The following BAIAP2L1 variants were observed in gnomAD, a reference collection of about 807,000 sequenced individuals.
The protein encoded by BAIAP2L1 is BAR/IMD domain-containing adapter protein 2-like 1.
Under a neutral mutation model 66.3 loss-of-function variants are expected in BAIAP2L1, and 35 were observed. The ratio of observed to expected loss-of-function variants is 0.53; its 90% CI spans 0.40 to 0.70. The LOEUF is 0.70. Ranked by LOEUF, BAIAP2L1 falls within the 30% of genes least tolerant of loss-of-function variation. BAIAP2L1 has a pLI of 0.00. For missense variants in BAIAP2L1, 622 were observed against 656.9 expected, an observed-to-expected ratio of 0.95 and a Z score of 0.58; for synonymous variants, 269 against 248.7, an observed-to-expected ratio of 1.08 and a Z score of -0.77.
At chr7:98,359,421 C>T (rs186586788) in intron 2 of BAIAP2L1, among the ~76,000 whole-genome samples, 5 of 151,992 alleles carry the variant, frequency 3.3e-5, no homozygotes, top group Admixed American at 6.5e-5. Context: ...TACAGGCACC[C>T]GCCACCACGC....
intron 3 of BAIAP2L1, among the ~76,000 whole-genome samples, chr7:98,325,392 T>C (rs541144294): frequency 7.7e-4 from 115 of 149,798 alleles, no homozygotes; most frequent in African/African-American, 2.8e-3. Flanking sequence ...TAATAATAAT[T>C]GGAGGCCAGG....
intron 7 of BAIAP2L1, 67 bp from the exon 8 acceptor site, chr7:98,312,331 C>T: frequency 6.7e-7 from 1 of 1,491,228 alleles, no homozygotes; most frequent in Non-Finnish European, 9.0e-7. Context: ...AAAATGACAT[C>T]ACGTCATATC....
chr7:98,339,904 G>C (rs1801701117), intron 3 of BAIAP2L1, among the ~76,000 whole-genome samples: 1 of 152,168 alleles, frequency 6.6e-6, no homozygotes, highest in Non-Finnish European at 1.5e-5. Context: ...CAGGTCCTTT[G>C]CGCCACCCCC....
rs140166928 is a variant in BAIAP2L1 at position 98,317,253 on chromosome 7, C to T, written c.452G>A (p.Arg151Gln). The stretch of plus-strand genomic sequence containing the variant: ...TTTGTGTTCATATTTGAGTGCGTTT[C>T]GGCTTCCTTGGCTTTTCCTTCTGAT... ...KKIRRKSQGSRNALKYEHKEI... is the reference protein window; with the variant it reads ...KKIRRKSQGSQNALKYEHKEI... Residue 151 changes from arginine (R) to glutamine (Q), a missense_variant, in exon 6 of 14, where the codon CGA becomes CAA. By Grantham distance (43) the Arg-to-Gln change is conservative. Transcript: ENST00000005260. 3 of 1,614,222 alleles carry T rather than the reference C, an allele frequency of 1.9e-6. No homozygotes were observed. The highest frequency in any genetic ancestry group is 1.7e-6 in the Non-Finnish European group (2 of 1,180,032).
chr7:98,349,894 T>A (rs1801962101), intron 3 of BAIAP2L1, among the ~76,000 whole-genome samples: 1 of 151,870 alleles, frequency 6.6e-6, no homozygotes. Flanking sequence ...CCATCTCTAC[T>A]GAAAGTACAA....
intron 9 of BAIAP2L1, chr7:98,308,245 C>T: frequency 2.0e-6 from 1 of 491,140 alleles, no homozygotes; most frequent in Non-Finnish European, 4.0e-6. Flanking sequence ...CAACGCCAAA[C>T]TGCCCTCGCA....
intron 3 of BAIAP2L1, among the ~76,000 whole-genome samples, chr7:98,332,916 C>T (rs986595745): frequency 6.6e-6 from 1 of 151,774 alleles, no homozygotes; most frequent in Admixed American, 6.6e-5. Context: ...TGCCAGGACT[C>T]TCAAAGCCCT....
chr7:98,374,451 T>C (rs976052722), intron 1 of BAIAP2L1, among the ~76,000 whole-genome samples: 1 of 152,190 alleles, frequency 6.6e-6, no homozygotes, highest in African/African-American at 2.4e-5. Flanking sequence ...CTGAAGGTCC[T>C]ACCAGCAGCG....
intron 13 of BAIAP2L1, 116 bp from the exon 14 acceptor site, chr7:98,293,712 G>C (rs974248580): frequency 6.3e-6 from 6 of 953,426 alleles, no homozygotes; most frequent in Non-Finnish European, 8.4e-6. Context: ...CACCTCCCCA[G>C]CTTGTACAGG....
In BAIAP2L1 at chr7:98,376,701, G is replaced by T. The variant is rs908211726; in HGVS notation, c.52-14269C>A. 4.0e-5 allele frequency among the ~76,000 whole-genome samples: 6 copies of T among 149,450 alleles called. No individual in the cohort carries two copies. In the South Asian group the frequency reaches 1.3e-3, roughly 32 times the overall value. ...CACACAAAAAGCTGGGTGTGGTGGC[G>T]CATGCCTGTAATCTCAGCTACTCGG... On this transcript the variant is annotated intron_variant, in intron 1 of 13. Coordinates refer to ENST00000005260, the MANE Select transcript of BAIAP2L1 (RefSeq NM_018842.5).
rs564928361 is a variant in BAIAP2L1 at position 98,318,668 on chromosome 7, G to C, written c.349-1312C>G. On this transcript the variant is annotated intron_variant, in intron 5 of 13. Coordinates refer to ENST00000005260, the MANE Select transcript of BAIAP2L1 (RefSeq NM_018842.5). ...GTGCAGATAAGAAGGATGTCTGGCC[G>C]GCATGGTGGCTCACGCCTCTAATCC... Among the ~76,000 whole-genome samples, 13 of 151,828 alleles carry C rather than the reference G, an allele frequency of 8.6e-5. 1 individual carries two copies. The South Asian group carries it at 2.3e-3, about 27-fold the overall frequency.
intron 8 of BAIAP2L1, among the ~76,000 whole-genome samples, chr7:98,311,326 G>A (rs1562969042): frequency 6.6e-6 from 1 of 151,822 alleles, no homozygotes; most frequent in South Asian, 2.1e-4. Flanking sequence ...GGCGGATCAC[G>A]AGGTCAGGAG....
At chr7:98,321,407 C>T (rs1226333538) in intron 3 of BAIAP2L1, among the ~76,000 whole-genome samples, 1 of 152,134 alleles carries the variant, frequency 6.6e-6, no homozygotes, top group Non-Finnish European at 1.5e-5. Flanking sequence ...CCAGGGGAAC[C>T]CGCAGCAGGA....
At chr7:98,304,794 C>T (rs1800574831) in intron 11 of BAIAP2L1, among the ~76,000 whole-genome samples, 1 of 151,814 alleles carries the variant, frequency 6.6e-6, no homozygotes, top group Non-Finnish European at 1.5e-5. Flanking sequence ...GCTGGGATTA[C>T]AGCATGAGCC....
chr7:98,394,198 T>C (rs915452399), intron 1 of BAIAP2L1, among the ~76,000 whole-genome samples: 5 of 152,064 alleles, frequency 3.3e-5, no homozygotes, highest in Admixed American at 1.3e-4. Flanking sequence ...AGCAGAGATC[T>C]CGCCACTGCA....
At chr7:98,353,453 C>T (rs1454205024) in intron 3 of BAIAP2L1, among the ~76,000 whole-genome samples, 2 of 131,018 alleles carry the variant, frequency 1.5e-5, no homozygotes, top group South Asian at 2.3e-4. Flanking sequence ...TATATACATA[C>T]ATATTTATAT....
intron 1 of BAIAP2L1, among the ~76,000 whole-genome samples, chr7:98,393,469 C>T (rs989401658): frequency 6.6e-6 from 1 of 151,472 alleles, no homozygotes; most frequent in Non-Finnish European, 1.5e-5. Context: ...AATGAAAATA[C>T]CTTCCTTTTC....
intron 1 of BAIAP2L1, among the ~76,000 whole-genome samples, chr7:98,376,674 A>AAAAC (rs1554339634): frequency 6.6e-6 from 1 of 150,710 alleles, no homozygotes; most frequent in Non-Finnish European, 1.5e-5. Context: ...AAAAAAAAAA[A>AAAAC]ACACACAAAA....
chr7:98,385,904 T>G (rs1485687605), intron 1 of BAIAP2L1: 2 of 1,400,290 alleles, frequency 1.4e-6, no homozygotes, highest in Non-Finnish European at 2.0e-6. Flanking sequence ...TGAAGCTCCA[T>G]GAGCTTTCCC....
Sources: gnomAD v4.1 joint callset for allele counts (sites outside exome capture counted in the v4.1 genomes callset) on GRCh38, gnomAD v4.1.1 for gene constraint, MANE v1.5 for transcripts, NCBI Gene and HGNC (gene_info 2026-07-23, HGNC 2026-07-21) for gene names.